SYT14: variants seen among roughly 807,000 people sequenced by gnomAD.
SYT14 encodes synaptotagmin 14.
In SYT14, 32 loss-of-function variants were observed where a neutral mutation model predicts 74.2. The observed-to-expected ratio is 0.43, with a 90% CI of 0.33 to 0.58. SYT14 has a LOEUF of 0.58. SYT14 is among the 20% of genes least tolerant of loss of function. The pLI, the probability that SYT14 is intolerant of heterozygous loss-of-function variation, is 0.05. For missense variants in SYT14, 791 were observed against 981.8 expected, an observed-to-expected ratio of 0.81 and a Z score of 2.60; for synonymous variants, 298 against 337.7, an observed-to-expected ratio of 0.88 and a Z score of 1.29.
intron 2 of SYT14, among the ~76,000 whole-genome samples, chr1:209,986,115 G>A (rs748262752): frequency 6.6e-6 from 1 of 152,202 alleles, no homozygotes; most frequent in Non-Finnish European, 1.5e-5. Context: ...TTGCTCCGCA[G>A]CCTGCTTAAA....
At chr1:210,125,224 C>G (rs2082545807) in intron 7 of SYT14, among the ~76,000 whole-genome samples, 1 of 151,804 alleles carries the variant, frequency 6.6e-6, no homozygotes, top group South Asian at 2.1e-4. Context: ...CCCACCCTCC[C>G]CCCTTTTGAA....
chr1:210,019,939 C>T (rs2080268164), intron 4 of SYT14, among the ~76,000 whole-genome samples: 1 of 152,080 alleles, frequency 6.6e-6, no homozygotes, highest in South Asian at 2.1e-4. Flanking sequence ...TTTAGACCTC[C>T]TGAAAGTTTT....
chr1:210,010,471 A>G (rs2080067000), intron 2 of SYT14, among the ~76,000 whole-genome samples: 1 of 152,080 alleles, frequency 6.6e-6, no homozygotes, highest in African/African-American at 2.4e-5. Context: ...TAACCATGCT[A>G]TTTCAAATGT....
chr1:210,047,522 C>T (rs2080908669), intron 5 of SYT14, among the ~76,000 whole-genome samples: 2 of 152,026 alleles, frequency 1.3e-5, no homozygotes, highest in Admixed American at 6.5e-5. Flanking sequence ...CTCAGCCTCC[C>T]GAGTAGCTAG....
intron 2 of SYT14, among the ~76,000 whole-genome samples, chr1:209,992,372 C>A (rs1442462449): frequency 6.6e-6 from 1 of 152,162 alleles, no homozygotes; most frequent in African/African-American, 2.4e-5. Context: ...GAAATCTTGT[C>A]TTTTGCAGCA....
chr1:210,170,839 G>T (rs1407814768), exon 10 of SYT14: 1 of 152,010 alleles, frequency 6.6e-6, no homozygotes, highest in East Asian at 1.9e-4. Flanking sequence ...AAAGGTTTGG[G>T]TCATATTATT....
At chr1:210,075,867 C>T (rs991644880) in intron 5 of SYT14, among the ~76,000 whole-genome samples, 1 of 152,132 alleles carries the variant, frequency 6.6e-6, no homozygotes, top group African/African-American at 2.4e-5. Flanking sequence ...AAAGGTATAT[C>T]TTTGCTATTA....
At chr1:210,104,368 T>G (rs575426278) in intron 7 of SYT14, among the ~76,000 whole-genome samples, 81 of 152,358 alleles carry the variant, frequency 5.3e-4, no homozygotes, top group Middle Eastern at 3.4e-3. Context: ...ACTATTCCAC[T>G]TTATGAGTCA....
intron 7 of SYT14, among the ~76,000 whole-genome samples, chr1:210,154,951 C>T (rs981500355): frequency 6.6e-6 from 1 of 152,052 alleles, no homozygotes; most frequent in African/African-American, 2.4e-5. Flanking sequence ...ACTTATTTGT[C>T]CACCCATTTG....
exon 10 of SYT14, chr1:210,164,077 C>G (rs915844333): frequency 2.2e-6 from 1 of 453,214 alleles, no homozygotes; most frequent in Non-Finnish European, 4.4e-6. Flanking sequence ...ATAATTATTG[C>G]TGCCCAGTAA....
chr1:209,995,300 AT>A (rs1377865175), intron 2 of SYT14, among the ~76,000 whole-genome samples: 2 of 152,164 alleles, frequency 1.3e-5, no homozygotes, highest in African/African-American at 4.8e-5. Flanking sequence ...GGAGAAAGAT[AT>A]GCAAACAGAA....
intron 7 of SYT14, among the ~76,000 whole-genome samples, chr1:210,129,250 G>A (rs923561): frequency 0.1 from 15,287 of 152,124 alleles, 1,051 homozygotes; most frequent in Non-Finnish European, 0.13. Context: ...CTTTCTTCAG[G>A]CATGACAGAA....
chr1:210,008,426 C>T (rs1465124434), intron 2 of SYT14, among the ~76,000 whole-genome samples: 7 of 151,990 alleles, frequency 4.6e-5, no homozygotes, highest in Non-Finnish European at 7.4e-5. Context: ...TGCAGTGGCG[C>T]GATCTCAGCT....
chr1:209,974,800 G>C (rs576191718), intron 2 of SYT14, among the ~76,000 whole-genome samples: 7 of 152,210 alleles, frequency 4.6e-5, no homozygotes, highest in African/African-American at 1.4e-4. Flanking sequence ...AATTACCTTG[G>C]GCAATTTGGC....
chr1:210,090,057 A>T (rs899685425), intron 5 of SYT14, among the ~76,000 whole-genome samples: 1 of 152,206 alleles, frequency 6.6e-6, no homozygotes, highest in Non-Finnish European at 1.5e-5. Flanking sequence ...ACAGCGTTAC[A>T]CATGAAGACT....
chr1:209,985,829 C>T (rs1231392284), intron 2 of SYT14, among the ~76,000 whole-genome samples: 1 of 152,240 alleles, frequency 6.6e-6, no homozygotes, highest in Admixed American at 6.5e-5. Context: ...GCCTCCAAGG[C>T]TTACAGCTTG....
intron 5 of SYT14, among the ~76,000 whole-genome samples, chr1:210,067,700 A>G (rs903529455): frequency 3.3e-5 from 5 of 151,952 alleles, no homozygotes; most frequent in African/African-American, 9.7e-5. Flanking sequence ...GTCCTCATCA[A>G]TGCTTACATT....
chr1:210,163,006 C>T (rs1432856854), exon 10 of SYT14: 1 of 453,166 alleles, frequency 2.2e-6, no homozygotes, highest in Admixed American at 2.4e-5. Flanking sequence ...TTTTCAGCAA[C>T]AGTATGAAAA....
chr1:210,088,518 A>G (rs1339887323), intron 5 of SYT14, among the ~76,000 whole-genome samples: 2 of 152,064 alleles, frequency 1.3e-5, no homozygotes, highest in Non-Finnish European at 2.9e-5. Context: ...TCATTCTACT[A>G]TGAAGGCACA....
Sources: gnomAD v4.1 joint callset for allele counts (sites outside exome capture counted in the v4.1 genomes callset) on GRCh38, gnomAD v4.1.1 for gene constraint, MANE v1.5 for transcripts, NCBI Gene and HGNC (gene_info 2026-07-23, HGNC 2026-07-21) for gene names.